Variants in CACNA2D3 observed in about 807,000 individuals in gnomAD.
CACNA2D3 encodes the protein voltage-dependent calcium channel subunit alpha-2/delta-3.
A neutral mutation model predicts 160.6 loss-of-function variants in CACNA2D3; 60 were observed. The observed-to-expected ratio is 0.37, with a 90% confidence interval of 0.30 to 0.46. The LOEUF (loss-of-function observed/expected upper bound fraction) is 0.46, where lower values mean the gene tolerates loss of function less well. CACNA2D3 is among the 20% of genes least tolerant of loss of function. CACNA2D3 has a pLI of 1.00. For synonymous variants in CACNA2D3, 558 were observed against 492.9 expected (o/e 1.13, Z -1.75); for missense variants, 1,205 against 1,365.0 (o/e 0.88, Z 1.85).
intron 11 of CACNA2D3, among the ~76,000 whole-genome samples, chr3:54,678,681 A>G (rs899360442): frequency 7.7e-5 from 10 of 129,874 alleles, no homozygotes; most frequent in African/African-American, 2.2e-4. Context: ...AGATCGTGCA[A>G]TTGCATCCCA....
At chr3:54,838,327 G>C (rs1698741772) in intron 15 of CACNA2D3, among the ~76,000 whole-genome samples, 1 of 152,178 alleles carries the variant, frequency 6.6e-6, no homozygotes, top group African/African-American at 2.4e-5. Flanking sequence ...TATCTTGGTA[G>C]GATTATGCGT....
chr3:54,951,478 G>T (rs551930221), intron 27 of CACNA2D3, among the ~76,000 whole-genome samples: 18 of 152,314 alleles, frequency 1.2e-4, no homozygotes, highest in Non-Finnish European at 1.9e-4. Context: ...GCAGTGGGGT[G>T]GGGGGCTGCT....
intron 4 of CACNA2D3, among the ~76,000 whole-genome samples, chr3:54,492,098 G>T (rs186303684): frequency 6.6e-6 from 1 of 152,292 alleles, no homozygotes; most frequent in East Asian, 1.9e-4. Flanking sequence ...GGCCAGAGCT[G>T]CTGGATTCTA....
chr3:54,870,024 C>A (rs1049530088), intron 17 of CACNA2D3, among the ~76,000 whole-genome samples: 1 of 152,126 alleles, frequency 6.6e-6, no homozygotes, highest in Non-Finnish European at 1.5e-5. Flanking sequence ...GTGGTAAGAG[C>A]CCACTGGCCA....
intron 2 of CACNA2D3, among the ~76,000 whole-genome samples, chr3:54,316,432 T>C (rs1400765042): frequency 6.6e-6 from 1 of 151,980 alleles, no homozygotes; most frequent in African/African-American, 2.4e-5. Flanking sequence ...TTTTCTAATG[T>C]GATTCCAGCA....
intron 5 of CACNA2D3, among the ~76,000 whole-genome samples, chr3:54,514,909 G>C (rs1701520377): frequency 6.6e-6 from 1 of 152,184 alleles, no homozygotes; most frequent in Non-Finnish European, 1.5e-5. Context: ...TTGTGCCATT[G>C]CACTATCTAC....
intron 2 of CACNA2D3, among the ~76,000 whole-genome samples, chr3:54,216,060 C>T (rs905233367): frequency 6.6e-6 from 1 of 152,008 alleles, no homozygotes; most frequent in Non-Finnish European, 1.5e-5. Flanking sequence ...TGTTCTTGAG[C>T]GGCTGAGCCC....
At chr3:54,478,871 T>C (rs1011077378) in intron 4 of CACNA2D3, among the ~76,000 whole-genome samples, 3 of 150,988 alleles carry the variant, frequency 2.0e-5, no homozygotes, top group African/African-American at 7.3e-5. Flanking sequence ...TTCTAATAAT[T>C]ACTTATTACT....
intron 2 of CACNA2D3, among the ~76,000 whole-genome samples, chr3:54,274,043 T>G (rs2107454391): frequency 6.6e-6 from 1 of 152,250 alleles, no homozygotes; most frequent in South Asian, 2.1e-4. Context: ...TGGTATCTCA[T>G]AGTATACTAC....
intron 2 of CACNA2D3, among the ~76,000 whole-genome samples, chr3:54,220,126 G>GT (rs1245127961): frequency 6.6e-6 from 1 of 151,730 alleles, no homozygotes; most frequent in Non-Finnish European, 1.5e-5. Flanking sequence ...AAAAATTGTA[G>GT]TTTTTTCCTT....
At chr3:54,580,443 A>T (rs2106737425) in intron 8 of CACNA2D3, among the ~76,000 whole-genome samples, 1 of 152,152 alleles carries the variant, frequency 6.6e-6, no homozygotes, top group South Asian at 2.1e-4. Context: ...CCTTGCTCAC[A>T]GCCCTGCCTG....
At chr3:54,543,154 A>G (rs1317625098) in intron 5 of CACNA2D3, among the ~76,000 whole-genome samples, 1 of 152,156 alleles carries the variant, frequency 6.6e-6, no homozygotes, top group Non-Finnish European at 1.5e-5. Flanking sequence ...AGACCCTTTT[A>G]CTTCTCCCTA....
chr3:54,318,386 G>A (rs371370875), intron 2 of CACNA2D3, among the ~76,000 whole-genome samples: 38 of 152,214 alleles, frequency 2.5e-4, no homozygotes, highest in South Asian at 2.1e-3. Flanking sequence ...TTCAGGGAGC[G>A]GGGGGAAACA....
intron 34 of CACNA2D3, among the ~76,000 whole-genome samples, chr3:55,017,247 T>G (rs1703344426): frequency 6.6e-6 from 1 of 152,186 alleles, no homozygotes; most frequent in Admixed American, 6.5e-5. Context: ...GCTACTAGCA[T>G]CCCCATTTTA....
At chr3:54,214,393 C>A (rs1701426735) in intron 2 of CACNA2D3, among the ~76,000 whole-genome samples, 1 of 152,098 alleles carries the variant, frequency 6.6e-6, no homozygotes, top group African/African-American at 2.4e-5. Context: ...CTAAAATTGA[C>A]CTTTGCATCA....
intron 4 of CACNA2D3, among the ~76,000 whole-genome samples, chr3:54,409,091 T>A (rs1162950760): frequency 6.6e-5 from 10 of 152,350 alleles, no homozygotes; most frequent in Non-Finnish European, 1.3e-4. Flanking sequence ...CTTTGCTCTA[T>A]TGCCCATCAC....
intron 5 of CACNA2D3, among the ~76,000 whole-genome samples, chr3:54,558,767 G>T (rs1186181819): frequency 6.6e-6 from 1 of 152,160 alleles, no homozygotes; most frequent in Middle Eastern, 3.2e-3. Context: ...TTTTATGGCC[G>T]TGTATTATTC....
chr3:54,902,299 A>G (rs1700352500), intron 27 of CACNA2D3, among the ~76,000 whole-genome samples: 2 of 151,542 alleles, frequency 1.3e-5, no homozygotes, highest in Non-Finnish European at 2.9e-5. Flanking sequence ...TTTTTGTTTC[A>G]TTTTCTTGTT....
rs988599091 is a variant in CACNA2D3, at chr3:54,475,389, T to C, written c.382-28103T>C. 2.0e-5 allele frequency among the ~76,000 whole-genome samples: 3 copies of C among 152,216 alleles called. No individual in the cohort carries two copies. The East Asian group carries it at 5.8e-4, about 29-fold the overall frequency. On this transcript the variant is annotated intron_variant, in intron 4 of 37. Coordinates refer to ENST00000474759, the MANE Select transcript of CACNA2D3 (RefSeq NM_018398.3). ...GCAAAAGCAAATGGCATGGAAAGTC[T>C]CAATTGCAGCAAGAGGAAAAATAAG...
Sources: gnomAD v4.1 joint callset for allele counts (sites outside exome capture counted in the v4.1 genomes callset) on GRCh38, gnomAD v4.1.1 for gene constraint, MANE v1.5 for transcripts, NCBI Gene and HGNC (gene_info 2026-07-23, HGNC 2026-07-21) for gene names.